The following ARHGEF37 variants were observed in gnomAD, a reference collection of about 807,000 sequenced individuals.
ARHGEF37 encodes Rho guanine nucleotide exchange factor (GEF) 37.
In ARHGEF37, 55 loss-of-function variants were observed where a neutral mutation model predicts 71.1. The ratio of observed to expected loss-of-function variants is 0.77; its 90% CI spans 0.62 to 0.97. ARHGEF37 has a LOEUF of 0.97. Among genes scored for constraint, ARHGEF37 ranks in the 50% least tolerant of loss-of-function variants. The pLI is 0.00. For synonymous variants in ARHGEF37, 327 were observed against 350.6 expected (o/e 0.93, Z 0.75); for missense variants, 765 against 836.8 (o/e 0.91, Z 1.06).
intron 1 of ARHGEF37, among the ~76,000 whole-genome samples, chr5:149,553,055 G>A (rs956240954): frequency 3.9e-5 from 6 of 152,136 alleles, no homozygotes; most frequent in African/African-American, 7.2e-5. Context: ...TTCTCCTTTG[G>A]TGACTCTAAA....
chr5:149,551,638 G>A (rs1300750151), upstream of ARHGEF37: 1 of 152,494 alleles, frequency 6.6e-6, no homozygotes, highest in Non-Finnish European at 1.5e-5. Context: ...TCCGGTCGGC[G>A]GCGGCTCAGC....
At chr5:149,603,868 G>A (rs1243203414) in intron 3 of ARHGEF37, among the ~76,000 whole-genome samples, 7 of 152,184 alleles carry the variant, frequency 4.6e-5, no homozygotes, top group East Asian at 1.9e-4. Context: ...CCCGGGAGGC[G>A]GAGGTTGCAG....
chr5:149,578,193 AT>A (rs1389578551), upstream of ARHGEF37, among the ~76,000 whole-genome samples: 1 of 152,216 alleles, frequency 6.6e-6, no homozygotes, highest in African/African-American at 2.4e-5. Context: ...CTTCCAAGAA[AT>A]TCCTTTTCTG....
upstream of ARHGEF37, among the ~76,000 whole-genome samples, chr5:149,577,253 C>T (rs1220891134): frequency 1.3e-5 from 2 of 152,120 alleles, no homozygotes; most frequent in Admixed American, 6.5e-5. Flanking sequence ...ACATTACTGA[C>T]ATGTATTAGG....
intron 12 of ARHGEF37, among the ~76,000 whole-genome samples, chr5:149,629,626 G>A (rs1205128098): frequency 6.6e-6 from 1 of 152,228 alleles, no homozygotes; most frequent in East Asian, 1.9e-4. Flanking sequence ...AAAGGGGACA[G>A]ACTGGAGTGT....
At chr5:149,627,318 C>T in intron 11 of ARHGEF37, 47 bp downstream of exon 11, 2 of 1,573,256 alleles carry the variant, frequency 1.3e-6, no homozygotes, top group Non-Finnish European at 8.6e-7. Context: ...GGAAAACCAC[C>T]CCACAGAAGC....
intron 1 of ARHGEF37, among the ~76,000 whole-genome samples, chr5:149,552,441 A>G (rs1762691719): frequency 6.6e-6 from 1 of 152,190 alleles, no homozygotes; most frequent in African/African-American, 2.4e-5. Flanking sequence ...CTTAGTAATA[A>G]TAATGTTCAC....
At chr5:149,628,357 C>T (rs1752762571) in intron 11 of ARHGEF37, among the ~76,000 whole-genome samples, 1 of 152,194 alleles carries the variant, frequency 6.6e-6, no homozygotes, top group Admixed American at 6.5e-5. Context: ...ATAATGACAG[C>T]AATCAGAACA....
intron 7 of ARHGEF37, 129 bp downstream of exon 7, chr5:149,619,171 T>C: frequency 1.4e-6 from 1 of 729,332 alleles, no homozygotes; most frequent in Non-Finnish European, 2.5e-6. Flanking sequence ...GGTCATCCTG[T>C]CTCATCTCTT....
intron 4 of ARHGEF37, 145 bp from the exon 5 acceptor site, chr5:149,616,422 G>C: frequency 1.4e-6 from 1 of 715,750 alleles, no homozygotes. Context: ...ACAAGTTACA[G>C]ATGAGGAACT....
intron 1 of ARHGEF37, among the ~76,000 whole-genome samples, chr5:149,589,335 A>AATTT (rs1487277394): frequency 1.3e-5 from 2 of 151,862 alleles, no homozygotes; most frequent in Non-Finnish European, 2.9e-5. Flanking sequence ...TTAATTAATT[A>AATTT]ATTAATTTAT....
Position 149,598,374 on chromosome 5 carries a change from CT to C in ARHGEF37, c.186+421del. 2.7e-5 allele frequency among the ~76,000 whole-genome samples: 3 copies of C among 109,692 alleles called. No individual in the cohort carries two copies. In the Admixed American group the frequency reaches 3.4e-4, roughly 12 times the overall value. 72.0% of individuals were successfully genotyped at this position (109,692 alleles called of 152,430 possible). On this transcript the variant is annotated intron_variant, in intron 2 of 12. Coordinates refer to ENST00000333677, the MANE Select transcript of ARHGEF37 (RefSeq NM_001001669.3). Reference sequence around the variant, plus strand: ...TCTTCTTCCTCTTCCTCTTCTTCCTCTTCCTCTTCTTCCTCTTCCTCTCCTT... The same window carrying C: ...TCTTCTTCCTCTTCCTCTTCTTCCTCTCCTCTTCTTCCTCTTCCTCTCCTT...
At chr5:149,563,317 C>A (rs1438707791) in intron 1 of ARHGEF37, among the ~76,000 whole-genome samples, 1 of 152,192 alleles carries the variant, frequency 6.6e-6, no homozygotes, top group Non-Finnish European at 1.5e-5. Context: ...AGACTCCGAA[C>A]CTGATCTGAG....
chr5:149,565,354 A>G (rs1244644275), intron 1 of ARHGEF37, among the ~76,000 whole-genome samples: 3 of 152,226 alleles, frequency 2.0e-5, no homozygotes, highest in Non-Finnish European at 4.4e-5. Flanking sequence ...TGTCCTCAGC[A>G]TTAGCACACT....
intron 1 of ARHGEF37, among the ~76,000 whole-genome samples, chr5:149,569,782 G>A (rs1436929989): frequency 2.0e-5 from 3 of 151,884 alleles, no homozygotes; most frequent in East Asian, 3.9e-4. Flanking sequence ...CACCACGCCC[G>A]GCTAATTTTT....
intron 1 of ARHGEF37, among the ~76,000 whole-genome samples, chr5:149,573,297 A>G (rs1376012737): frequency 3.3e-5 from 5 of 152,318 alleles, no homozygotes; most frequent in African/African-American, 1.2e-4. Flanking sequence ...GTAGGGACAA[A>G]CAAACTGTAT....
At chr5:149,557,286 A>G (rs1176338511) in intron 1 of ARHGEF37, among the ~76,000 whole-genome samples, 1 of 152,202 alleles carries the variant, frequency 6.6e-6, no homozygotes, top group African/African-American at 2.4e-5. Context: ...TGGTTCAGAT[A>G]TGACCTGTAG....
chr5:149,628,370 A>C (rs900992710), intron 11 of ARHGEF37, among the ~76,000 whole-genome samples: 3 of 152,230 alleles, frequency 2.0e-5, no homozygotes, highest in Admixed American at 1.3e-4. Flanking sequence ...TCAGAACAGC[A>C]CTGGACTAGT....
chr5:149,588,561 G>T (rs1020609541), intron 1 of ARHGEF37, among the ~76,000 whole-genome samples: 1 of 152,162 alleles, frequency 6.6e-6, no homozygotes, highest in Non-Finnish European at 1.5e-5. Flanking sequence ...ACCTTCCAAA[G>T]TGCTGGGATT....
Sources: allele counts gnomAD v4.1 joint callset (sites outside exome capture counted in the v4.1 genomes callset), GRCh38; gene constraint gnomAD v4.1.1; transcripts MANE v1.5; gene names NCBI Gene and HGNC (gene_info 2026-07-23, HGNC 2026-07-21).